Variants in HIVEP3 observed in about 807,000 individuals in gnomAD.
The protein encoded by HIVEP3 is transcription factor HIVEP3.
Under a neutral mutation model 152.8 loss-of-function variants are expected in HIVEP3, and 49 were observed. That is an observed-to-expected ratio of 0.32 (90% confidence interval 0.26 to 0.41). The LOEUF (loss-of-function observed/expected upper bound fraction) is 0.41. Ranked by LOEUF, HIVEP3 falls within the 10% of genes least tolerant of loss-of-function variation. HIVEP3 has a pLI of 1.00. For missense variants in HIVEP3, 2,790 were observed against 3,103.3 expected, an observed-to-expected ratio of 0.90 and a Z score of 2.40; for synonymous variants, 1,269 against 1,289.0, an observed-to-expected ratio of 0.98 and a Z score of 0.33.
Position 41,536,365 on chromosome 1 carries a change from G to A in HIVEP3, c.5208-11455C>T, listed in dbSNP as rs116740407. On this transcript the variant is annotated intron_variant, in intron 5 of 8. Coordinates refer to ENST00000372583, the MANE Select transcript of HIVEP3 (RefSeq NM_024503.5). Reference sequence around the variant, plus strand: ...TCCAGCACACCGACAGAGCGGCTTTGGGTGGATTAGCTTGTGTATGAGTGT... The same window carrying A: ...TCCAGCACACCGACAGAGCGGCTTTAGGTGGATTAGCTTGTGTATGAGTGT... 4.0e-3 allele frequency among the ~76,000 whole-genome samples: 604 copies of A among 152,294 alleles called. 5 individuals carry two copies. The highest frequency in any genetic ancestry group is 0.014 in the African/African-American group (567 of 41,558).
chr1:41,791,096 T>C lies in HIVEP3; in HGVS notation c.-800-90101A>G, dbSNP rs1217094675. Among the ~76,000 whole-genome samples, 4 of 149,946 alleles carry C rather than the reference T, an allele frequency of 2.7e-5. No homozygotes were observed. In the South Asian group the frequency reaches 8.5e-4, roughly 32 times the overall value. The stretch of plus-strand genomic sequence containing the variant: ...TCATCCTTAGTTATCCATAATTCTC[T>C]CCCCACAGCACAGGCACACATGTGT... On this transcript the variant is annotated intron_variant, in intron 1 of 8. Coordinates refer to ENST00000372583, the MANE Select transcript of HIVEP3 (RefSeq NM_024503.5).
chr1:41,641,791 G>T (rs554542854), intron 2 of HIVEP3, among the ~76,000 whole-genome samples: 1 of 152,254 alleles, frequency 6.6e-6, no homozygotes, highest in African/African-American at 2.4e-5. Flanking sequence ...ACCCTGGCAG[G>T]TCCACTCTTA....
intron 1 of HIVEP3, among the ~76,000 whole-genome samples, chr1:41,959,154 G>A (rs937526671): frequency 6.6e-6 from 1 of 152,256 alleles, no homozygotes; most frequent in Non-Finnish European, 1.5e-5. Flanking sequence ...TCTAGCTCCT[G>A]ATGCTGCTAA....
In HIVEP3 at chr1:41,694,081, A is replaced by T. The variant is rs58319787; in HGVS notation, c.-721+6835T>A. ...GTACTTTGTAAACATTTTATGAAAAATTTTTTTTGGGATTTCGAGATTCAA... is the reference window on the plus strand; with the variant it reads ...GTACTTTGTAAACATTTTATGAAAATTTTTTTTTGGGATTTCGAGATTCAA... On this transcript the variant is annotated intron_variant, in intron 2 of 8. Coordinates refer to ENST00000372583, the MANE Select transcript of HIVEP3 (RefSeq NM_024503.5). 2.2e-3 allele frequency among the ~76,000 whole-genome samples: 337 copies of T among 152,090 alleles called. 1 individual carries two copies. The highest frequency in any genetic ancestry group is 7.3e-3 in the African/African-American group (301 of 41,492).
intron 2 of HIVEP3, among the ~76,000 whole-genome samples, chr1:41,653,100 A>C (rs919155812): frequency 2.0e-5 from 3 of 152,108 alleles, no homozygotes; most frequent in Non-Finnish European, 4.4e-5. Flanking sequence ...GTTTTAAGTC[A>C]CTGTTTATTC....
chr1:41,929,863 G>A (rs575079343), intron 1 of HIVEP3, among the ~76,000 whole-genome samples: 20 of 150,932 alleles, frequency 1.3e-4, no homozygotes, highest in Admixed American at 4.0e-4. Flanking sequence ...AGACACCTGC[G>A]TCTTATTATC....
At chr1:41,875,350 C>G (rs1263953020) in intron 1 of HIVEP3, among the ~76,000 whole-genome samples, 14 of 152,232 alleles carry the variant, frequency 9.2e-5, no homozygotes, top group Non-Finnish European at 5.9e-5. Flanking sequence ...AGCTCCCCAT[C>G]CATCCTGCTC....
intron 2 of HIVEP3, among the ~76,000 whole-genome samples, chr1:41,629,186 C>T (rs894332581): frequency 9.2e-5 from 14 of 152,244 alleles, no homozygotes; most frequent in East Asian, 1.9e-4. Context: ...TCAAGATTTC[C>T]GGTTCCCCTG....
chr1:41,840,954 G>C (rs369237961), intron 1 of HIVEP3, among the ~76,000 whole-genome samples: 23 of 152,368 alleles, frequency 1.5e-4, no homozygotes, highest in East Asian at 5.8e-4. Context: ...TGGTTAAACA[G>C]TGGAGCCTGA....
At position 41,934,397 on chromosome 1, in the gene HIVEP3, C is replaced by T. The variant is rs72671295; in HGVS notation, n.120-15873G>A. ...TCCCTGAAGATACCTATCTCTTCCT[C>T]GATTTTGGGCCTACTGGGTACCCAG... On this transcript the variant is annotated intron_variant and non_coding_transcript_variant, in intron 1 of 3. Coordinates refer to the HIVEP3 transcript ENST00000489103. 7.6e-3 allele frequency among the ~76,000 whole-genome samples: 1,157 copies of T among 152,228 alleles called. 16 individuals are homozygous for T. The highest frequency in any genetic ancestry group is 0.026 in the African/African-American group (1,075 of 41,534).
At chr1:42,025,450 G>A (rs1268493354) in intron 1 of HIVEP3, among the ~76,000 whole-genome samples, 1 of 152,174 alleles carries the variant, frequency 6.6e-6, no homozygotes, top group African/African-American at 2.4e-5. Flanking sequence ...AACACAATAA[G>A]CATAGGTTTT....
intron 1 of HIVEP3, among the ~76,000 whole-genome samples, chr1:41,994,970 C>A (rs1017145868): frequency 4.0e-5 from 6 of 151,656 alleles, no homozygotes; most frequent in African/African-American, 1.5e-4. Flanking sequence ...TAGAAATTAC[C>A]TAAAATATTT....
chr1:41,930,620 G>A (rs1465205868), intron 1 of HIVEP3, among the ~76,000 whole-genome samples: 2 of 152,112 alleles, frequency 1.3e-5, no homozygotes, highest in Non-Finnish European at 2.9e-5. Flanking sequence ...AATAACTTGA[G>A]TAAATACCAA....
chr1:41,584,078 C>T lies in HIVEP3; in HGVS notation c.720G>A (p.Lys240=), dbSNP rs1275127178. The change falls in exon 4 of 9, where the codon AAG becomes AAA. Residue 240 remains lysine (K), a synonymous_variant. Transcript: ENST00000372583. This position sits in a 1 kb window ranked among gnomAD's most constrained non-coding sequence, Gnocchi z 5.2. ...CTGCTTTGATGCGGTGGGCATGGGACTTCCTGTGCTTGTAGAGATTACTCT... is the reference window on the plus strand; with the variant it reads ...CTGCTTTGATGCGGTGGGCATGGGATTTCCTGTGCTTGTAGAGATTACTCT... The part of the protein sequence containing the change: ...KTKSNLYKHR[K]SHAHRIKAGL... 6.2e-7 allele frequency: 1 copy of T among 1,614,168 alleles called. No individual in the cohort carries two copies. Among genetic ancestry groups the T allele is most frequent in the Non-Finnish European group, 8.5e-7 (1 of 1,180,034 alleles).
At chr1:41,638,208 A>C (rs949928399) in intron 2 of HIVEP3, among the ~76,000 whole-genome samples, 1 of 149,584 alleles carries the variant, frequency 6.7e-6, no homozygotes, top group Non-Finnish European at 1.5e-5. Context: ...TTATACAAAG[A>C]AAGAAGAGAA....
intron 2 of HIVEP3, among the ~76,000 whole-genome samples, chr1:41,654,143 T>A (rs1357008992): frequency 6.6e-6 from 1 of 152,174 alleles, no homozygotes; most frequent in Non-Finnish European, 1.5e-5. Context: ...TGTTATAGCA[T>A]CAAGTGAAAT....
Position 41,582,366 on chromosome 1 carries a change from G to A in HIVEP3, c.2432C>T (p.Ser811Phe), listed in dbSNP as rs1408576486. The A allele has an allele frequency of 6.2e-7, 1 of 1,614,234 alleles. No homozygotes were observed. The highest frequency in any genetic ancestry group is 1.1e-5 in the South Asian group (1 of 91,086). The change falls in exon 4 of 9, where the codon TCT becomes TTT. Residue 811 changes from serine (S) to phenylalanine (F), a missense_variant. Ser to Phe is a radical substitution (Grantham distance 155). Coordinates refer to ENST00000372583, the MANE Select transcript of HIVEP3 (RefSeq NM_024503.5). This position sits in a 1 kb window ranked among gnomAD's most constrained non-coding sequence, Gnocchi z 4.7. ...TTCCAAGCCACTCGGCTGCTCGAGA[G>A]AATCAGATTTCTCAAAGGAGCTGGT... Reference protein sequence around the residue: ...QHTSSFEKSDSLEQPSGLEGE... With the variant: ...QHTSSFEKSDFLEQPSGLEGE...
intron 1 of HIVEP3, among the ~76,000 whole-genome samples, chr1:41,725,247 A>G (rs1646735381): frequency 6.6e-6 from 1 of 152,204 alleles, no homozygotes; most frequent in Non-Finnish European, 1.5e-5. Context: ...GGACATGCAG[A>G]CATGCAGCTG....
At chr1:41,888,202 A>ATTTTTTTTTTTT (rs61561436) in intron 1 of HIVEP3, among the ~76,000 whole-genome samples, 11 of 99,194 alleles carry the variant, frequency 1.1e-4, no homozygotes, top group East Asian at 2.8e-4. Flanking sequence ...CGCCCGGCTA[A>ATTTTTTTTTTTT]TTTTTTTTTT....
Sources: allele counts gnomAD v4.1 joint callset (sites outside exome capture counted in the v4.1 genomes callset), GRCh38; gene constraint gnomAD v4.1.1; non-coding constraint Gnocchi (gnomAD v3.1); transcripts MANE v1.5; gene names NCBI Gene and HGNC (gene_info 2026-07-23, HGNC 2026-07-21).